The following TJP2 variants were observed in gnomAD, a reference collection of about 807,000 sequenced individuals.
The protein encoded by TJP2 is Friedreich ataxia region gene X104 (tight junction protein ZO-2).
Under a neutral mutation model 133.1 loss-of-function variants are expected in TJP2, and 91 were observed. The observed-to-expected ratio is 0.68, with a 90% CI of 0.58 to 0.81. The LOEUF (loss-of-function observed/expected upper bound fraction) is 0.81. TJP2 is among the 40% of genes least tolerant of loss of function. The probability of loss-of-function intolerance (pLI) is 0.00; values close to 1 mark genes in which losing one functional copy is unlikely to be tolerated. For synonymous variants in TJP2, 592 were observed against 583.4 expected (o/e 1.01, Z -0.21); for missense variants, 1,541 against 1,565.6 (o/e 0.98, Z 0.26).
chr9:69,244,161 G>A (rs575822854), intron 17 of TJP2, among the ~76,000 whole-genome samples: 3 of 146,656 alleles, frequency 2.0e-5, no homozygotes, highest in African/African-American at 7.6e-5. Flanking sequence ...TCCAGCCTGG[G>A]CGACAATGAG....
intron 1 of TJP2, among the ~76,000 whole-genome samples, chr9:69,184,987 C>T (rs1038434024): frequency 2.0e-5 from 3 of 151,714 alleles, no homozygotes; most frequent in Non-Finnish European, 2.9e-5. Flanking sequence ...TGGGCTCAGG[C>T]GATCCTCCTA....
intron 1 of TJP2, among the ~76,000 whole-genome samples, 154 bp downstream of exon 1, chr9:69,174,586 G>C (rs1298525637): frequency 6.6e-6 from 1 of 152,210 alleles, no homozygotes; most frequent in Non-Finnish European, 1.5e-5. Flanking sequence ...CGCAGGGGAG[G>C]GGTAGGTTTC....
chr9:69,182,940 C>T (rs1451627608), intron 1 of TJP2, among the ~76,000 whole-genome samples: 18 of 151,696 alleles, frequency 1.2e-4, no homozygotes, highest in African/African-American at 4.4e-4. Flanking sequence ...AGGTGCGCAC[C>T]ACCATGCCCG....
At chr9:69,140,096 C>T (rs1822950437) in intron 1 of TJP2, among the ~76,000 whole-genome samples, 1 of 152,144 alleles carries the variant, frequency 6.6e-6, no homozygotes, top group South Asian at 2.1e-4. Flanking sequence ...CATCGTGTTC[C>T]AGTTTTAATT....
chr9:69,138,938 GT>G, intron 1 of TJP2, among the ~76,000 whole-genome samples: 1 of 148,250 alleles, frequency 6.7e-6, no homozygotes, highest in East Asian at 2.1e-4. Flanking sequence ...AGGGGGCTGG[GT>G]GCAGTGGCTC....
At chr9:69,254,008 C>A in intron 22 of TJP2, 1 of 632,596 alleles carries the variant, frequency 1.6e-6, no homozygotes, top group Non-Finnish European at 2.8e-6. Flanking sequence ...CTTCCTCACT[C>A]ACCGCCGAAG....
intron 7 of TJP2, 25 bp from the exon 8 acceptor site, chr9:69,227,740 A>G: frequency 6.9e-7 from 1 of 1,455,122 alleles, no homozygotes; most frequent in Non-Finnish European, 9.6e-7. Flanking sequence ...TTTATTTAAA[A>G]GTCTTTTCTT....
At chr9:69,215,261 C>G (rs959116403) in intron 2 of TJP2, among the ~76,000 whole-genome samples, 2 of 152,110 alleles carry the variant, frequency 1.3e-5, no homozygotes, top group African/African-American at 4.8e-5. Flanking sequence ...GCCCAAACCT[C>G]AGCATCAGAC....
At chr9:69,243,052 C>G (rs976621225) in intron 17 of TJP2, among the ~76,000 whole-genome samples, 1 of 152,064 alleles carries the variant, frequency 6.6e-6, no homozygotes, top group African/African-American at 2.4e-5. Context: ...TTTCTGGCAA[C>G]AGGGTTTACC....
intron 1 of TJP2, among the ~76,000 whole-genome samples, chr9:69,150,890 A>T (rs781090934): frequency 2.2e-4 from 33 of 152,228 alleles, no homozygotes; most frequent in Non-Finnish European, 4.1e-4. Context: ...TAGATAATAA[A>T]ATGTGGTATA....
At chr9:69,166,395 C>T (rs1824360096) in intron 2 of TJP2, among the ~76,000 whole-genome samples, 1 of 149,210 alleles carries the variant, frequency 6.7e-6, no homozygotes, top group Non-Finnish European at 1.5e-5. Context: ...GAGCCATCTG[C>T]CTAACCTTAT....
intron 2 of TJP2, among the ~76,000 whole-genome samples, chr9:69,152,648 A>G (rs140333444): frequency 0.014 from 2,081 of 152,058 alleles, 54 homozygotes; most frequent in African/African-American, 0.046. Context: ...GAACGTCGAC[A>G]TGAAACTAAA....
intron 1 of TJP2, among the ~76,000 whole-genome samples, chr9:69,138,561 G>A (rs891769204): frequency 1.3e-5 from 2 of 151,910 alleles, no homozygotes; most frequent in Non-Finnish European, 2.9e-5. Flanking sequence ...GAGGTCAGGA[G>A]TTCGAGACCA....
chr9:69,177,941 C>T (rs1825217369), intron 1 of TJP2, among the ~76,000 whole-genome samples: 1 of 152,040 alleles, frequency 6.6e-6, no homozygotes, highest in South Asian at 2.1e-4. Flanking sequence ...AGGAAAAGCA[C>T]TTCTTAGAAC....
chr9:69,166,937 A>G (rs1824389371), intron 2 of TJP2, among the ~76,000 whole-genome samples: 1 of 151,976 alleles, frequency 6.6e-6, no homozygotes, highest in South Asian at 2.1e-4. Flanking sequence ...TTTTTCTGAA[A>G]AATAAATAAA....
chr9:69,226,026 A>G lies in TJP2; in HGVS notation c.1061A>G (p.Asn354Ser), dbSNP rs746190816. The change falls in exon 7 of 23, where the codon AAT (asparagine) becomes AGT (serine). Residue 354 changes from asparagine (N) to serine (S), a missense_variant. By Grantham distance (46) the Asn-to-Ser change is conservative (BLOSUM62 1). Transcript: ENST00000377245. ...TACCATTTTTTATAAACACAGATCA[A>G]TGGGACTGTAACTGAGAACATGTCT... ...LHEGDIILKINGTVTENMSLT... is the reference protein window; with the variant it reads ...LHEGDIILKISGTVTENMSLT... 1.1e-5 allele frequency: 17 copies of G among 1,614,062 alleles called. No individual in the cohort carries two copies. The highest frequency in any genetic ancestry group is 8.3e-5 in the Admixed American group (5 of 60,002).
chr9:69,212,446 T>C, intron 1 of TJP2, 102 bp from the exon 2 acceptor site: 1 of 865,086 alleles, frequency 1.2e-6, no homozygotes, highest in Non-Finnish European at 2.0e-6. Flanking sequence ...GTATAGAAAG[T>C]GTGAGCTGGA....
At chr9:69,248,647 CTT>C (rs1489063744) in intron 19 of TJP2, 1 of 1,067,320 alleles carries the variant, frequency 9.4e-7, no homozygotes, top group African/African-American at 1.7e-5. Context: ...TGCCAAAGCT[CTT>C]GAGTGTTTCC....
chr9:69,189,032 C>A (rs1177284581), intron 1 of TJP2, among the ~76,000 whole-genome samples: 1 of 152,158 alleles, frequency 6.6e-6, no homozygotes, highest in Non-Finnish European at 1.5e-5. Flanking sequence ...CAAATACCTC[C>A]AAGAGGTTTT....
Sources: gnomAD v4.1 joint callset for allele counts (sites outside exome capture counted in the v4.1 genomes callset) on GRCh38, gnomAD v4.1.1 for gene constraint, MANE v1.5 for transcripts, NCBI Gene and HGNC (gene_info 2026-07-23, HGNC 2026-07-21) for gene names.